RBM33: variants seen among roughly 807,000 people sequenced by gnomAD.
RBM33 encodes the protein RNA binding motif protein 33.
A neutral mutation model predicts 132.6 loss-of-function variants in RBM33; 28 were observed. That is an observed-to-expected ratio of 0.21 (90% CI 0.16 to 0.29). The LOEUF (loss-of-function observed/expected upper bound fraction) is 0.29. Among genes scored for constraint, RBM33 ranks in the 10% least tolerant of loss-of-function variants. The pLI, the probability that RBM33 is intolerant of heterozygous loss-of-function variation, is 1.00. For missense variants in RBM33, 1,291 were observed against 1,518.5 expected (o/e 0.85, Z 2.49); for synonymous variants, 634 against 593.0 (o/e 1.07, Z -1.01).
intron 8 of RBM33, among the ~76,000 whole-genome samples, chr7:155,713,600 T>TCC (rs1800370968): frequency 6.6e-6 from 1 of 152,146 alleles, no homozygotes; most frequent in South Asian, 2.1e-4. Flanking sequence ...GGTCAGTGGG[T>TCC]GTGGCCTGCA....
At position 155,745,863 on chromosome 7, in the gene RBM33, C is replaced by CA. The variant is rs1276772924; in HGVS notation, c.2979+262dup. 8.2e-6 allele frequency: 4 copies of CA among 489,920 alleles called. No individual in the cohort carries two copies. The highest frequency in any genetic ancestry group is 7.7e-5 in the African/African-American group (4 of 51,888). The allele number at this position is 489,920 out of a possible 1,614,324, so 30.3% of individuals were successfully genotyped here. A position where few individuals can be genotyped will look rare whatever the true frequency, so the allele number is the denominator to read the frequency against. On this transcript the variant is annotated intron_variant, in intron 14 of 17. Coordinates refer to ENST00000401878, the MANE Select transcript of RBM33 (RefSeq NM_053043.3). This position sits in a 1 kb window ranked among gnomAD's most constrained non-coding sequence, Gnocchi z 4.1. ...CATACACAGACGGTACAGCCTGCTG[C>CA]ACACCTAGGCTATATGGTACAGCCT...
intron 9 of RBM33, among the ~76,000 whole-genome samples, chr7:155,727,585 A>C (rs992281305): frequency 6.6e-6 from 1 of 152,252 alleles, no homozygotes; most frequent in African/African-American, 2.4e-5. Flanking sequence ...CTCTGTTTCA[A>C]AAAAGCAATA....
At chr7:155,703,629 G>A (rs546600083) in intron 6 of RBM33, among the ~76,000 whole-genome samples, 3 of 152,224 alleles carry the variant, frequency 2.0e-5, no homozygotes, top group African/African-American at 7.2e-5. Context: ...TTTTCTGTCC[G>A]TCAAAAGATT....
chr7:155,648,385 C>T (rs565912644), intron 1 of RBM33, among the ~76,000 whole-genome samples: 7 of 152,282 alleles, frequency 4.6e-5, no homozygotes, highest in South Asian at 4.1e-4. Flanking sequence ...GAAGTAGACT[C>T]GAATTCAGGT....
chr7:155,697,994 T>C (rs1799846175), intron 5 of RBM33, among the ~76,000 whole-genome samples: 1 of 152,204 alleles, frequency 6.6e-6, no homozygotes, highest in Non-Finnish European at 1.5e-5. Flanking sequence ...CTTAGGATAG[T>C]TTGATTTTTA....
Position 155,680,828 on chromosome 7 carries a change from G to T in RBM33, c.487G>T (p.Val163Leu), listed in dbSNP as rs759190589. Residue 163 changes from valine (V) to leucine (L), a missense_variant, in exon 5 of 18, where the codon GTG becomes TTG. By Grantham distance (32) the Val-to-Leu change is conservative (BLOSUM62 1). Around this residue, in one of 7 missense-constraint regions of RBM33, gnomAD observed 194 missense variants for 249.8 expected, o/e 0.78. Transcript: ENST00000401878. ...AELTEDQIEY[V>L]EEPEEEQLYT... ...GTTGACAGAAGACCAAATAGAATAT[G>T]TGGAAGAGCCAGAGGAGGAGCAGCT... 46 of 1,613,854 alleles carry T rather than the reference G, an allele frequency of 2.9e-5. 2 individuals are homozygous for T. In the South Asian group the frequency reaches 4.8e-4, roughly 17 times the overall value.
At chr7:155,654,183 A>C (rs1798431185) in intron 1 of RBM33, among the ~76,000 whole-genome samples, 1 of 152,170 alleles carries the variant, frequency 6.6e-6, no homozygotes, top group Non-Finnish European at 1.5e-5. Context: ...CAGATTCAAA[A>C]TACTGATGTT....
intron 6 of RBM33, among the ~76,000 whole-genome samples, chr7:155,701,746 G>A (rs1051303869): frequency 1.3e-5 from 2 of 152,170 alleles, no homozygotes; most frequent in African/African-American, 4.8e-5. Flanking sequence ...GGAGTACAGT[G>A]GCACAATCTT....
At chr7:155,739,043 C>T (rs1396363685) in intron 11 of RBM33, 1 of 152,202 alleles carries the variant, frequency 6.6e-6, no homozygotes, top group East Asian at 1.9e-4. Flanking sequence ...TTTAAAAATA[C>T]GTGGAATACG....
At chr7:155,658,004 C>G (rs1380591790) in intron 1 of RBM33, among the ~76,000 whole-genome samples, 1 of 152,094 alleles carries the variant, frequency 6.6e-6, no homozygotes, top group Admixed American at 6.5e-5. Context: ...TATTTGAGTC[C>G]TCTATATCCT....
At position 155,700,809 on chromosome 7, in the gene RBM33, AAAG is replaced by A. The variant is rs1799940146; in HGVS notation, c.610_612del (p.Glu204del). 4.4e-6 allele frequency: 7 copies of A among 1,584,660 alleles called. No individual in the cohort carries two copies. The highest frequency in any genetic ancestry group is 6.0e-6 in the Non-Finnish European group (7 of 1,164,540). The stretch of plus-strand genomic sequence containing the variant: ...AACATTGGAACTTCAAAAGGACATC[AAAG>A]AAGAATCAGATGAAGAAGAAGAAGA... On this transcript the variant is annotated inframe_deletion, in exon 6 of 18. Coordinates refer to ENST00000401878, the MANE Select transcript of RBM33 (RefSeq NM_053043.3).
At chr7:155,689,803 T>G (rs1411440816) in intron 5 of RBM33, among the ~76,000 whole-genome samples, 3 of 152,380 alleles carry the variant, frequency 2.0e-5, no homozygotes, top group Non-Finnish European at 4.4e-5. Flanking sequence ...TTCTTAATCC[T>G]AAGTTCTAGT....
At chr7:155,667,761 A>G (rs1270533702) in intron 2 of RBM33, among the ~76,000 whole-genome samples, 2 of 152,110 alleles carry the variant, frequency 1.3e-5, no homozygotes, top group African/African-American at 2.4e-5. Flanking sequence ...TGTATTCTAG[A>G]TATCTCCTGC....
Position 155,659,849 on chromosome 7 carries a change from T to C in RBM33, c.44-5326T>C, listed in dbSNP as rs1585403950. On this transcript the variant is annotated intron_variant, in intron 1 of 17. Coordinates refer to ENST00000401878, the MANE Select transcript of RBM33 (RefSeq NM_053043.3). The stretch of plus-strand genomic sequence containing the variant: ...AGGGCCACACTCCCTGTGAAGCCTC[T>C]AGGGGAGAATCCTTTGCCTCTTCCA... Among the ~76,000 whole-genome samples the C allele has an allele frequency of 2.0e-5, 3 of 152,334 alleles. 1 individual carries two copies. The South Asian group carries it at 6.2e-4, about 32-fold the overall frequency.
intron 9 of RBM33, among the ~76,000 whole-genome samples, chr7:155,728,151 C>T (rs1030682016): frequency 3.9e-5 from 6 of 152,134 alleles, no homozygotes; most frequent in Admixed American, 1.3e-4. Context: ...ATTATCTGCC[C>T]TCTTTTCTTA....
In RBM33 at chr7:155,745,736, T is replaced by C; in HGVS notation, c.2979+134T>C. 1 of 884,158 alleles carries C rather than the reference T, an allele frequency of 1.1e-6. No individual in the cohort carries two copies. 54.8% of individuals were successfully genotyped at this position (884,158 alleles called of 1,614,324 possible). ...AGTCTTGTAACCAATCTCTACCTAC[T>C]TGAAGTTGGTATAAGAATTGCCGCT... On this transcript the variant is annotated intron_variant, in intron 14 of 17. Coordinates refer to ENST00000401878, the MANE Select transcript of RBM33 (RefSeq NM_053043.3). The surrounding 1 kb of genome is among the most constrained non-coding windows in gnomAD (Gnocchi z 4.1).
chr7:155,661,810 A>G (rs1457625495), intron 1 of RBM33, among the ~76,000 whole-genome samples: 1 of 152,160 alleles, frequency 6.6e-6, no homozygotes, highest in Non-Finnish European at 1.5e-5. Context: ...TATAATGGCT[A>G]CTTACAGATC....
Position 155,780,368 on chromosome 7 carries a change from G to A in RBM33, c.*5327G>A, listed in dbSNP as rs1051633506. 1.3e-5 allele frequency: 2 copies of A among 152,112 alleles called. No individual in the cohort carries two copies. The highest frequency in any genetic ancestry group is 4.8e-5 in the African/African-American group (2 of 41,400). 9.4% of individuals were successfully genotyped at this position (152,112 alleles called of 1,614,324 possible). On this transcript the variant is annotated 3_prime_UTR_variant, in exon 18 of 18. Transcript: ENST00000401878. The stretch of plus-strand genomic sequence containing the variant: ...GTCCTCTGTGAGGACTTGAACTCTG[G>A]GGCTTTAATTCCACTGTTTAATTTT...
intron 14 of RBM33, among the ~76,000 whole-genome samples, chr7:155,763,190 A>T (rs956871926): frequency 6.6e-6 from 1 of 152,206 alleles, no homozygotes; most frequent in Admixed American, 6.5e-5. Flanking sequence ...TGCTAATGGC[A>T]CTTGTAACTC....
Sources: allele counts gnomAD v4.1 joint callset (sites outside exome capture counted in the v4.1 genomes callset), GRCh38; gene constraint gnomAD v4.1.1; regional missense constraint gnomAD v4.1.1; non-coding constraint Gnocchi (gnomAD v3.1); transcripts MANE v1.5; gene names NCBI Gene and HGNC (gene_info 2026-07-23, HGNC 2026-07-21).